Variants in AP3S1 observed in about 807,000 individuals in gnomAD.
The protein encoded by AP3S1 is AP-3 complex subunit sigma-1.
A neutral mutation model predicts 21.3 loss-of-function variants in AP3S1; 12 were observed. The ratio of observed to expected loss-of-function variants is 0.56; its 90% confidence interval spans 0.36 to 0.91. The LOEUF (loss-of-function observed/expected upper bound fraction) is 0.91, where lower values mean the gene tolerates loss of function less well. Ranked by LOEUF, AP3S1 falls within the 40% of genes least tolerant of loss-of-function variation. AP3S1 has a pLI of 0.01. For synonymous variants in AP3S1, 48 were observed against 78.4 expected (o/e 0.61, Z 2.05); for missense variants, 116 against 225.0 (o/e 0.52, Z 3.10).
chr5:115,904,684 TTA>T (rs1751492917), intron 5 of AP3S1, among the ~76,000 whole-genome samples: 1 of 152,194 alleles, frequency 6.6e-6, no homozygotes, highest in East Asian at 1.9e-4. Flanking sequence ...GACTCATAAT[TTA>T]ATTTAGTATA....
At chr5:115,882,449 C>G (rs972537657) in intron 3 of AP3S1, among the ~76,000 whole-genome samples, 2 of 152,166 alleles carry the variant, frequency 1.3e-5, no homozygotes, top group Admixed American at 6.5e-5. Context: ...TTCCTTCTAA[C>G]AGGCCCCTCT....
intron 3 of AP3S1, among the ~76,000 whole-genome samples, chr5:115,881,559 A>G (rs1224553936): frequency 6.6e-6 from 1 of 152,042 alleles, no homozygotes; most frequent in Non-Finnish European, 1.5e-5. Flanking sequence ...CAGGGTTTCT[A>G]CAGAGAGATC....
chr5:115,865,525 C>T (rs1763545172), intron 1 of AP3S1, among the ~76,000 whole-genome samples: 2 of 152,272 alleles, frequency 1.3e-5, no homozygotes, highest in Admixed American at 1.3e-4. Flanking sequence ...GTTAATAAAA[C>T]TGTTTCCCCA....
intron 1 of AP3S1, among the ~76,000 whole-genome samples, chr5:115,866,256 C>T (rs368464405): frequency 6.6e-6 from 1 of 152,198 alleles, no homozygotes; most frequent in African/African-American, 2.4e-5. Context: ...ATTGGAAGCT[C>T]CATAGTTCTA....
chr5:115,858,499 G>A (rs1306393502), intron 1 of AP3S1, among the ~76,000 whole-genome samples: 2 of 152,104 alleles, frequency 1.3e-5, no homozygotes, highest in Non-Finnish European at 2.9e-5. Context: ...CCATTGGTCT[G>A]TTTTCATTAG....
chr5:115,911,099 T>C (rs897173592), intron 5 of AP3S1, among the ~76,000 whole-genome samples: 2 of 152,138 alleles, frequency 1.3e-5, no homozygotes, highest in African/African-American at 4.8e-5. Flanking sequence ...TGACTTTATG[T>C]ATTCTTGTTA....
chr5:115,864,688 G>C (rs1312921970), intron 1 of AP3S1, among the ~76,000 whole-genome samples: 1 of 152,228 alleles, frequency 6.6e-6, no homozygotes, highest in East Asian at 1.9e-4. Context: ...TCATGGAAGA[G>C]ATTGTGAATG....
At chr5:115,902,728 A>G (rs975156826) in intron 4 of AP3S1, among the ~76,000 whole-genome samples, 157 bp from the exon 5 acceptor site, 7 of 152,204 alleles carry the variant, frequency 4.6e-5, no homozygotes, top group African/African-American at 1.7e-4. Context: ...AGGGCTTCAC[A>G]GTAGTGATGA....
intron 5 of AP3S1, chr5:115,903,207 G>A (rs1388821489): frequency 8.0e-6 from 3 of 375,312 alleles, no homozygotes; most frequent in Non-Finnish European, 1.4e-5. Context: ...TTTAGCCACA[G>A]TCATAGCTGC....
At chr5:115,874,339 A>G (rs1447928568) in intron 3 of AP3S1, among the ~76,000 whole-genome samples, 3 of 152,098 alleles carry the variant, frequency 2.0e-5, no homozygotes, top group African/African-American at 7.2e-5. Context: ...TAAAATATTT[A>G]CAGGATGAGA....
chr5:115,902,517 C>T (rs1381356134), intron 4 of AP3S1, among the ~76,000 whole-genome samples: 1 of 151,942 alleles, frequency 6.6e-6, no homozygotes, highest in African/African-American at 2.4e-5. Flanking sequence ...GCATAAAAGG[C>T]TCTTATAAAT....
At chr5:115,847,536 C>CT (rs146265707) in intron 1 of AP3S1, among the ~76,000 whole-genome samples, 4,753 of 152,284 alleles carry the variant, frequency 0.031, 274 homozygotes, top group African/African-American at 0.11. Flanking sequence ...GAGAGGATCA[C>CT]TGAGCTCCGG....
At chr5:115,878,781 G>A (rs187610352) in intron 3 of AP3S1, among the ~76,000 whole-genome samples, 2 of 152,120 alleles carry the variant, frequency 1.3e-5, no homozygotes, top group Admixed American at 6.5e-5. Context: ...TATAAATTAC[G>A]TTGGACAGTG....
Position 115,893,222 on chromosome 5 carries a change from G to A in AP3S1, c.274-1865G>A, listed in dbSNP as rs1241857582. ...CTAGCGATGGTGGAAGTGCCCCCAA[G>A]AAGCAGAGAGTGTCATGACATTACC... On this transcript the variant is annotated intron_variant, in intron 3 of 5. Transcript: ENST00000316788. Among the ~76,000 whole-genome samples, 3 of 152,132 alleles carry A rather than the reference G, an allele frequency of 2.0e-5. No individual in the cohort carries two copies. The East Asian group carries it at 5.8e-4, about 29-fold the overall frequency.
intron 1 of AP3S1, chr5:115,852,906 G>T: frequency 2.7e-6 from 1 of 368,090 alleles, no homozygotes. Context: ...CCACTTTTTG[G>T]TTACTATGAA....
intron 3 of AP3S1, among the ~76,000 whole-genome samples, chr5:115,892,353 A>T (rs1750382310): frequency 6.6e-6 from 1 of 152,162 alleles, no homozygotes; most frequent in Non-Finnish European, 1.5e-5. Context: ...AGATATCTGC[A>T]CTCCCATATT....
chr5:115,867,312 C>T (rs1344535078), intron 2 of AP3S1, among the ~76,000 whole-genome samples: 2 of 152,058 alleles, frequency 1.3e-5, no homozygotes, highest in Non-Finnish European at 2.9e-5. Context: ...AATTAGATTA[C>T]ATTCTTTATT....
At chr5:115,860,646 C>G (rs1763106807) in intron 1 of AP3S1, among the ~76,000 whole-genome samples, 1 of 152,200 alleles carries the variant, frequency 6.6e-6, no homozygotes, top group African/African-American at 2.4e-5. Flanking sequence ...TGATTTCCCT[C>G]TCACCAATTT....
intron 5 of AP3S1, chr5:115,906,675 G>A (rs1035225714): frequency 5.5e-5 from 30 of 545,960 alleles, no homozygotes; most frequent in Non-Finnish European, 7.7e-5. Flanking sequence ...GTGGGGTTGG[G>A]GAGATCTGTT....
Sources: allele counts gnomAD v4.1 joint callset (sites outside exome capture counted in the v4.1 genomes callset), GRCh38; gene constraint gnomAD v4.1.1; transcripts MANE v1.5; gene names NCBI Gene and HGNC (gene_info 2026-07-23, HGNC 2026-07-21).